SLC35F3: variants seen among roughly 807,000 people sequenced by gnomAD.
The protein encoded by SLC35F3 is solute carrier family 35 member F3.
Under a neutral mutation model 49.9 loss-of-function variants are expected in SLC35F3, and 25 were observed. The observed-to-expected ratio is 0.50, with a 90% CI of 0.37 to 0.70. The LOEUF (loss-of-function observed/expected upper bound fraction) is 0.70, where lower values mean the gene tolerates loss of function less well. Ranked by LOEUF, SLC35F3 falls within the 30% of genes least tolerant of loss-of-function variation. The pLI is 0.00. For missense variants in SLC35F3, 525 were observed against 639.8 expected, an observed-to-expected ratio of 0.82 and a Z score of 1.94; for synonymous variants, 275 against 265.4, an observed-to-expected ratio of 1.04 and a Z score of -0.35.
chr1:234,298,973 T>TTTCCAG (rs1271846936), intron 3 of SLC35F3, among the ~76,000 whole-genome samples: 2 of 152,292 alleles, frequency 1.3e-5, no homozygotes, highest in African/African-American at 4.8e-5. Context: ...CTTATAGAAT[T>TTTCCAG]TTCCAGTTCA....
chr1:233,930,419 C>T (rs960678233), intron 2 of SLC35F3, among the ~76,000 whole-genome samples: 3 of 152,182 alleles, frequency 2.0e-5, no homozygotes, highest in African/African-American at 7.2e-5. Context: ...TCCCACCTGG[C>T]AATCTATAGA....
At chr1:234,262,418 A>G (rs925056586) in intron 3 of SLC35F3, among the ~76,000 whole-genome samples, 1 of 152,194 alleles carries the variant, frequency 6.6e-6, no homozygotes, top group Middle Eastern at 3.2e-3. Flanking sequence ...TGCATTAATG[A>G]AAGCCCTCTC....
intron 2 of SLC35F3, among the ~76,000 whole-genome samples, chr1:233,910,857 A>T (rs6699631): frequency 0.66 from 100,221 of 152,028 alleles, 33,473 homozygotes; most frequent in East Asian, 0.92. Context: ...TGTGAATGGA[A>T]TGAGTTTTAA....
At chr1:234,122,532 A>G (rs1665591150) in intron 2 of SLC35F3, among the ~76,000 whole-genome samples, 1 of 152,194 alleles carries the variant, frequency 6.6e-6, no homozygotes, top group African/African-American at 2.4e-5. Context: ...TACATGTACC[A>G]TGGTGGTTTG....
Position 233,933,035 on chromosome 1 carries a change from T to TAAAAAAAA in SLC35F3, c.283+27289_283+27296dup, listed in dbSNP as rs59669736. On this transcript the variant is annotated intron_variant, in intron 2 of 7. Transcript: ENST00000366618. The stretch of plus-strand genomic sequence containing the variant: ...AAACCACAGTTTTGGGCTATTTAAG[T>TAAAAAAAA]AAAAAAAAAAAAAAAAAAACTATGA... Among the ~76,000 whole-genome samples the TAAAAAAAA allele has an allele frequency of 8.9e-5, 12 of 134,942 alleles. 1 individual carries two copies. Among genetic ancestry groups the TAAAAAAAA allele is most frequent in the East Asian group, 2.1e-4 (1 of 4,660 alleles). The allele number at this position is 134,942 out of a possible 152,430, so 88.5% of individuals were successfully genotyped here. A position where few individuals can be genotyped will look rare whatever the true frequency, so the allele number is the denominator to read the frequency against.
intron 2 of SLC35F3, among the ~76,000 whole-genome samples, chr1:234,107,467 A>G (rs1313810459): frequency 1.3e-5 from 2 of 152,180 alleles, no homozygotes; most frequent in Admixed American, 6.6e-5. Flanking sequence ...AGGTGCCAGC[A>G]GGGTTGCTAT....
At chr1:234,251,276 G>C (rs1310188204) in intron 3 of SLC35F3, among the ~76,000 whole-genome samples, 1 of 152,056 alleles carries the variant, frequency 6.6e-6, no homozygotes, top group Non-Finnish European at 1.5e-5. Context: ...GAAGGTTACA[G>C]GGACAAAAGG....
In SLC35F3 at chr1:233,972,971, C is replaced by A. The variant is rs532605211; in HGVS notation, c.283+67213C>A. On this transcript the variant is annotated intron_variant, in intron 2 of 7. Transcript: ENST00000366618. The stretch of plus-strand genomic sequence containing the variant: ...CTTGCCCTTCCCCTGTCATATTGGT[C>A]CCCACTGTGACTAAAAGAGGAGCCC... Among the ~76,000 whole-genome samples the A allele has an allele frequency of 6.0e-4, 92 of 152,324 alleles. 1 individual carries two copies. The highest frequency in any genetic ancestry group is 2.2e-3 in the African/African-American group (91 of 41,568).
chr1:234,228,582 G>A (rs993443933), intron 2 of SLC35F3, among the ~76,000 whole-genome samples: 1 of 152,156 alleles, frequency 6.6e-6, no homozygotes, highest in African/African-American at 2.4e-5. Flanking sequence ...ACCATACATA[G>A]CCCTGTGAGA....
chr1:233,945,530 G>T (rs114334947), intron 2 of SLC35F3, among the ~76,000 whole-genome samples: 2,149 of 152,274 alleles, frequency 0.014, 37 homozygotes, highest in African/African-American at 0.048. Flanking sequence ...ATCTGGAAAA[G>T]GTTCCTATGA....
intron 2 of SLC35F3, among the ~76,000 whole-genome samples, chr1:233,950,837 AC>A (rs1310425485): frequency 1.3e-5 from 2 of 151,944 alleles, no homozygotes; most frequent in African/African-American, 4.8e-5. Flanking sequence ...TAACATGGAA[AC>A]TTTTGTTGGT....
chr1:233,982,890 A>G (rs748522232), intron 2 of SLC35F3, among the ~76,000 whole-genome samples: 1 of 152,188 alleles, frequency 6.6e-6, no homozygotes, highest in Non-Finnish European at 1.5e-5. Flanking sequence ...TGTGGGTGCT[A>G]TGAGAACAGA....
chr1:234,102,028 G>A (rs1003507291), intron 2 of SLC35F3, among the ~76,000 whole-genome samples: 1 of 152,192 alleles, frequency 6.6e-6, no homozygotes, highest in Non-Finnish European at 1.5e-5. Flanking sequence ...CACTGCAGGA[G>A]CACAGGGCTG....
chr1:234,012,071 C>G (rs755821499), intron 2 of SLC35F3, among the ~76,000 whole-genome samples: 1 of 152,144 alleles, frequency 6.6e-6, no homozygotes, highest in Non-Finnish European at 1.5e-5. Flanking sequence ...AGCAAGAAAA[C>G]ATGTGAGCAA....
chr1:234,322,675 GTGTGTGTGTGTA>G (rs1657651871), intron 7 of SLC35F3, among the ~76,000 whole-genome samples: 1 of 149,660 alleles, frequency 6.7e-6, no homozygotes, highest in Admixed American at 7.0e-5. Flanking sequence ...GTGTGTGTGT[GTGTGTGTGTGTA>G]CTATCTATCT....
intron 2 of SLC35F3, among the ~76,000 whole-genome samples, chr1:233,909,825 C>A (rs1661845733): frequency 6.6e-6 from 1 of 152,140 alleles, no homozygotes. Flanking sequence ...TAGTTGAGAC[C>A]CACTCATTTA....
intron 2 of SLC35F3, among the ~76,000 whole-genome samples, chr1:233,980,913 A>C (rs1663171996): frequency 6.6e-6 from 1 of 152,214 alleles, no homozygotes. Flanking sequence ...TGACAAATCT[A>C]CTAGGTAATA....
chr1:234,078,232 A>T (rs1348452943), intron 2 of SLC35F3, among the ~76,000 whole-genome samples: 5 of 151,850 alleles, frequency 3.3e-5, no homozygotes, highest in Admixed American at 3.3e-4. Context: ...CTACACAAAA[A>T]CTGCCTCTCT....
At chr1:234,261,016 C>A (rs889140991) in intron 3 of SLC35F3, among the ~76,000 whole-genome samples, 9 of 151,996 alleles carry the variant, frequency 5.9e-5, no homozygotes, top group Admixed American at 5.9e-4. Context: ...AGTTTAAGGA[C>A]CGAAATTCTT....
Sources: allele counts gnomAD v4.1 joint callset (sites outside exome capture counted in the v4.1 genomes callset), GRCh38; gene constraint gnomAD v4.1.1; transcripts MANE v1.5; gene names NCBI Gene and HGNC (gene_info 2026-07-23, HGNC 2026-07-21).